The following HGF variants were observed in gnomAD, a reference collection of about 807,000 sequenced individuals.
The protein encoded by HGF is hepatocyte growth factor.
Under a neutral mutation model 111.6 loss-of-function variants are expected in HGF, and 39 were observed. The observed-to-expected ratio is 0.35, with a 90% CI of 0.27 to 0.46. The LOEUF is 0.46. Among genes scored for constraint, HGF ranks in the 20% least tolerant of loss-of-function variants. The probability of loss-of-function intolerance (pLI) is 1.00; values close to 1 mark genes in which losing one functional copy is unlikely to be tolerated. For missense variants in HGF, 735 were observed against 910.5 expected, an observed-to-expected ratio of 0.81 and a Z score of 2.48; for synonymous variants, 285 against 294.8, an observed-to-expected ratio of 0.97 and a Z score of 0.34.
rs201078229 is a variant in HGF, at chr7:81,768,385, TC to T, written c.88+1498del. 7.1e-3 allele frequency among the ~76,000 whole-genome samples: 1,081 copies of T among 152,060 alleles called. 13 individuals are homozygous for T. Among genetic ancestry groups the T allele is most frequent in the African/African-American group, 0.025 (1,028 of 41,438 alleles). On this transcript the variant is annotated intron_variant, in intron 1 of 17. Coordinates refer to ENST00000222390, the MANE Select transcript of HGF (RefSeq NM_000601.6). ...AGCAGTCATCTGTGAAGCATTTTTT[TC>T]TTCTTCTTCTTGAGATGGAGTCTTG...
At chr7:81,729,811 T>G (rs1275265360) in intron 7 of HGF, 32 bp from the exon 8 acceptor site, 1 of 1,600,738 alleles carries the variant, frequency 6.2e-7, no homozygotes. Flanking sequence ...AAAAAAAAAC[T>G]TATATAAAAT....
intron 9 of HGF, among the ~76,000 whole-genome samples, chr7:81,724,050 T>A (rs2115892111): frequency 6.6e-6 from 1 of 152,240 alleles, no homozygotes; most frequent in South Asian, 2.1e-4. Flanking sequence ...TATTACCTGA[T>A]CCTTTTTAAG....
chr7:81,722,960 C>A (rs1394805173), intron 9 of HGF, among the ~76,000 whole-genome samples: 1 of 150,582 alleles, frequency 6.6e-6, no homozygotes, highest in Admixed American at 6.6e-5. Context: ...TTATATTTAA[C>A]ATTCTTAATT....
chr7:81,741,401 A>G (rs1787995318), intron 7 of HGF, among the ~76,000 whole-genome samples: 1 of 152,190 alleles, frequency 6.6e-6, no homozygotes, highest in Non-Finnish European at 1.5e-5. Flanking sequence ...AAGAGAAAAA[A>G]GAAACCTACT....
chr7:81,729,500 C>A, intron 8 of HGF, 105 bp downstream of exon 8: 2 of 811,034 alleles, frequency 2.5e-6, no homozygotes, highest in Non-Finnish European at 4.3e-6. Context: ...TATCACTGGG[C>A]ACGCTGAAGT....
At chr7:81,724,150 G>A (rs1294348134) in intron 9 of HGF, among the ~76,000 whole-genome samples, 5 of 152,138 alleles carry the variant, frequency 3.3e-5, no homozygotes, top group African/African-American at 1.2e-4. Context: ...ATTAACAAAT[G>A]TTCAAGTAAA....
chr7:81,760,680 C>CGTGCGT (rs1198387549), intron 2 of HGF, among the ~76,000 whole-genome samples: 6 of 139,484 alleles, frequency 4.3e-5, no homozygotes, highest in African/African-American at 1.6e-4. Flanking sequence ...TATGTGCGTG[C>CGTGCGT]GTGTGTGTGT....
At chr7:81,710,062 A>T in intron 13 of HGF, 85 bp downstream of exon 13, 1 of 953,186 alleles carries the variant, frequency 1.0e-6, no homozygotes, top group Non-Finnish European at 1.7e-6. Flanking sequence ...TACAACCTTC[A>T]GGACCACATG....
chr7:81,722,379 C>T (rs1420675243), intron 9 of HGF, among the ~76,000 whole-genome samples: 1 of 151,194 alleles, frequency 6.6e-6, no homozygotes, highest in African/African-American at 2.4e-5. Flanking sequence ...TGGCCAGACT[C>T]GTCTCAAACT....
chr7:81,762,794 G>T lies in HGF; in HGVS notation c.167C>A (p.Ala56Glu), dbSNP rs932514859. ...CACTTTTTTGGTTTTTATCTTCAGTGCTGGATCTATTTTGATTAGGGTAGT... is the reference window on the plus strand; with the variant it reads ...CACTTTTTTGGTTTTTATCTTCAGTTCTGGATCTATTTTGATTAGGGTAGT... ...AKTTLIKIDPALKIKTKKVNT... is the reference protein window; with the variant it reads ...AKTTLIKIDPELKIKTKKVNT... The change falls in exon 2 of 18, where the codon GCA becomes GAA. Residue 56 changes from alanine to glutamate, a missense_variant. This residue lies in a region of HGF where 553 missense variants were observed against 685.6 expected (regional missense o/e 0.81). Coordinates refer to ENST00000222390, the MANE Select transcript of HGF (RefSeq NM_000601.6). The T allele has an allele frequency of 1.1e-5, 18 of 1,604,446 alleles. No individual in the cohort carries two copies. The East Asian group carries it at 3.4e-4, about 30-fold the overall frequency.
In HGF at chr7:81,743,386, T is replaced by A. The variant is rs754578668; in HGVS notation, c.832A>T (p.Thr278Ser). The A allele has an allele frequency of 1.9e-6, 3 of 1,611,406 alleles. No individual in the cohort carries two copies. The highest frequency in any genetic ancestry group is 2.5e-6 in the Non-Finnish European group (3 of 1,177,748). The change falls in exon 7 of 18, where the codon ACC (threonine) becomes TCC (serine). Residue 278 changes from threonine (T) to serine (S), a missense_variant. Physicochemically the swap from Thr to Ser is moderately conservative, Grantham distance 58 (BLOSUM62 1). Transcript: ENST00000222390. The part of the protein sequence containing the change: ...RPWCYTLDPH[T>S]RWEYCAIKTC... ...TTAATTGCACAGTACTCCCAGCGGG[T>A]GTGAGGGTCAAGAGTATAGCACCAT...
intron 7 of HGF, chr7:81,742,747 G>A (rs1393758801): frequency 5.4e-6 from 8 of 1,483,032 alleles, no homozygotes; most frequent in African/African-American, 2.8e-5. Context: ...GGGCCAGCAT[G>A]TAGAAAAATG....
chr7:81,721,127 G>C (rs1202888983), intron 9 of HGF, among the ~76,000 whole-genome samples: 1 of 152,086 alleles, frequency 6.6e-6, no homozygotes, highest in African/African-American at 2.4e-5. Context: ...GGCGCCTGTA[G>C]TCCCAGCTAC....
chr7:81,725,314 T>C (rs762278995), intron 9 of HGF, among the ~76,000 whole-genome samples: 3 of 152,200 alleles, frequency 2.0e-5, no homozygotes, highest in Non-Finnish European at 4.4e-5. Flanking sequence ...GTGATGTGCT[T>C]ATTTATTTAA....
In HGF at chr7:81,769,987, G is replaced by T; in HGVS notation, c.-16C>A. On this transcript the variant is annotated 5_prime_UTR_variant, in exon 1 of 18. Transcript: ENST00000222390. ...TCACCCACATGGTGCTGCTGGACGG[G>T]CTGGCGGATCCCTCTGGAGGAGATG... 1 of 1,546,188 alleles carries T rather than the reference G, an allele frequency of 6.5e-7. No individual in the cohort carries two copies.
intron 1 of HGF, among the ~76,000 whole-genome samples, chr7:81,766,024 A>G (rs1347132132): frequency 6.6e-6 from 1 of 152,224 alleles, no homozygotes; most frequent in Non-Finnish European, 1.5e-5. Context: ...CAGTATGGGA[A>G]AACATTCTGG....
intron 1 of HGF, among the ~76,000 whole-genome samples, chr7:81,766,389 TG>T (rs1250068627): frequency 1.2e-4 from 19 of 152,138 alleles, no homozygotes; most frequent in Non-Finnish European, 1.5e-4. Flanking sequence ...AAATAATTAA[TG>T]GAAGGGAATG....
chr7:81,736,320 G>A (rs1423158694), intron 7 of HGF, among the ~76,000 whole-genome samples: 1 of 152,016 alleles, frequency 6.6e-6, no homozygotes, highest in Non-Finnish European at 1.5e-5. Flanking sequence ...CATTGTATAT[G>A]CAACCCGCCC....
intron 5 of HGF, chr7:81,751,603 A>G (rs1788507951): frequency 1.0e-6 from 1 of 994,950 alleles, no homozygotes; most frequent in African/African-American, 1.7e-5. Context: ...ATTTGATTCT[A>G]GGCACATTTT....
Sources: gnomAD v4.1 joint callset for allele counts (sites outside exome capture counted in the v4.1 genomes callset) on GRCh38, gnomAD v4.1.1 for gene constraint, gnomAD v4.1.1 regional missense constraint, MANE v1.5 for transcripts, NCBI Gene and HGNC (gene_info 2026-07-23, HGNC 2026-07-21) for gene names.